The following TRHDE variants were observed in gnomAD, a reference collection of about 807,000 sequenced individuals.
The protein encoded by TRHDE is thyrotropin releasing hormone degrading enzyme.
A neutral mutation model predicts 125.7 loss-of-function variants in TRHDE; 72 were observed. That is an observed-to-expected ratio of 0.57 (90% CI 0.47 to 0.70). TRHDE has a LOEUF of 0.70. Ranked by LOEUF, TRHDE falls within the 30% of genes least tolerant of loss-of-function variation. The probability of loss-of-function intolerance (pLI) is 0.00; values close to 1 mark genes in which losing one functional copy is unlikely to be tolerated. For synonymous variants in TRHDE, 509 were observed against 509.1 expected, an observed-to-expected ratio of 1.00 and a Z score of 0.00; for missense variants, 1,110 against 1,327.1, an observed-to-expected ratio of 0.84 and a Z score of 2.54.
At chr12:72,355,369 T>C (rs1870768531) in intron 2 of TRHDE, among the ~76,000 whole-genome samples, 1 of 151,562 alleles carries the variant, frequency 6.6e-6, no homozygotes, top group Non-Finnish European at 1.5e-5. Context: ...GCATACCTTG[T>C]AGGCTCTTTT....
At position 72,238,444 on chromosome 12, in the gene TRHDE, C is replaced by A. The variant is rs1167715290; in HGVS notation, n.279+132692C>A. 2.1e-5 allele frequency among the ~76,000 whole-genome samples: 3 copies of A among 145,508 alleles called. No homozygotes were observed. In the Admixed American group the frequency reaches 2.1e-4, roughly 10 times the overall value. On this transcript the variant is annotated intron_variant and non_coding_transcript_variant, in intron 2 of 4. Coordinates refer to the TRHDE transcript ENST00000548156. ...TTCTGGGGTACATGTGCAGAATGTG[C>A]AGTTTTGTTACATAGGTATGCACGT... is the stretch of plus-strand genomic sequence containing the variant.
intron 2 of TRHDE, among the ~76,000 whole-genome samples, chr12:72,123,151 G>T (rs888372511): frequency 1.3e-5 from 2 of 152,108 alleles, no homozygotes; most frequent in African/African-American, 4.8e-5. Context: ...CTGGAAACAG[G>T]TTGTGGTAGT....
At chr12:72,350,254 A>T (rs1870521650) in intron 2 of TRHDE, among the ~76,000 whole-genome samples, 1 of 151,962 alleles carries the variant, frequency 6.6e-6, no homozygotes, top group South Asian at 2.1e-4. Context: ...GACGATTGGC[A>T]CAACCTTTCC....
chr12:72,553,849 C>CTT (rs56187409), intron 7 of TRHDE, among the ~76,000 whole-genome samples: 6 of 133,792 alleles, frequency 4.5e-5, no homozygotes, highest in South Asian at 2.4e-4. Context: ...TCTTTTCCTT[C>CTT]TTTTTTTTTT....
intron 3 of TRHDE, among the ~76,000 whole-genome samples, chr12:72,417,686 A>G (rs949810277): frequency 6.6e-6 from 1 of 152,042 alleles, no homozygotes; most frequent in African/African-American, 2.4e-5. Flanking sequence ...TATTTGGTGC[A>G]TATAATTCAT....
At chr12:72,276,118 C>G in intron 1 of TRHDE, among the ~76,000 whole-genome samples, 1 of 152,052 alleles carries the variant, frequency 6.6e-6, no homozygotes, top group East Asian at 1.9e-4. Context: ...GTTACTATAG[C>G]CACTTGGAGC....
intron 2 of TRHDE, among the ~76,000 whole-genome samples, chr12:72,167,981 G>A (rs1876789848): frequency 6.6e-6 from 1 of 152,082 alleles, no homozygotes; most frequent in Admixed American, 6.5e-5. Context: ...TATATTGGTG[G>A]GCATAATTGA....
At chr12:72,633,037 C>T (rs1277634053) in intron 15 of TRHDE, among the ~76,000 whole-genome samples, 1 of 151,972 alleles carries the variant, frequency 6.6e-6, no homozygotes, top group Non-Finnish European at 1.5e-5. Context: ...TCTGACTATC[C>T]AATTTTATTT....
chr12:72,610,451 G>C (rs948570467), intron 12 of TRHDE, among the ~76,000 whole-genome samples: 2 of 152,192 alleles, frequency 1.3e-5, no homozygotes, highest in Admixed American at 1.3e-4. Flanking sequence ...ATTTGAGTTT[G>C]CTCTCCGTAG....
At chr12:72,627,311 C>T (rs982470495) in intron 15 of TRHDE, among the ~76,000 whole-genome samples, 1 of 151,884 alleles carries the variant, frequency 6.6e-6, no homozygotes, top group African/African-American at 2.4e-5. Flanking sequence ...GCATCATATG[C>T]TTAGAAAAAT....
Position 72,499,496 on chromosome 12 carries a change from A to T in TRHDE, c.1585-2A>T. 1 of 1,613,442 alleles carries T rather than the reference A, an allele frequency of 6.2e-7. No individual in the cohort carries two copies. The highest frequency in any genetic ancestry group is 8.5e-7 in the Non-Finnish European group (1 of 1,179,672). On this transcript the variant is annotated splice_acceptor_variant, in intron 5 of 18. Coordinates refer to ENST00000261180, the MANE Select transcript of TRHDE (RefSeq NM_013381.3). LOFTEE classifies it high-confidence loss of function. ...GATATTGCCCCGTCTGCTGTATTGCAGGAAAAGCAGAGGTTTCTGACCGAT... is the reference window on the plus strand; with the variant it reads ...GATATTGCCCCGTCTGCTGTATTGCTGGAAAAGCAGAGGTTTCTGACCGAT...
intron 3 of TRHDE, among the ~76,000 whole-genome samples, chr12:72,380,988 A>G (rs760506024): frequency 9.9e-5 from 15 of 151,972 alleles, no homozygotes; most frequent in Non-Finnish European, 2.2e-4. Context: ...GTAAAGGGTC[A>G]TTCTGTGGCT....
intron 2 of TRHDE, among the ~76,000 whole-genome samples, chr12:72,154,312 C>T (rs1051247491): frequency 6.6e-6 from 1 of 152,130 alleles, no homozygotes; most frequent in African/African-American, 2.4e-5. Flanking sequence ...GATGGGTTTC[C>T]TGAATACAGC....
At chr12:72,125,194 A>G (rs552549591) in intron 2 of TRHDE, among the ~76,000 whole-genome samples, 1 of 152,250 alleles carries the variant, frequency 6.6e-6, no homozygotes, top group East Asian at 1.9e-4. Flanking sequence ...ATAAATGGGC[A>G]GCTTCTCCTC....
At chr12:72,211,982 C>T (rs1877792121) in intron 2 of TRHDE, among the ~76,000 whole-genome samples, 1 of 152,106 alleles carries the variant, frequency 6.6e-6, no homozygotes, top group African/African-American at 2.4e-5. Context: ...CAACTATGTG[C>T]ATTATGTAAT....
intron 2 of TRHDE, among the ~76,000 whole-genome samples, chr12:72,372,989 C>G (rs948727477): frequency 6.6e-6 from 1 of 152,170 alleles, no homozygotes; most frequent in Non-Finnish European, 1.5e-5. Flanking sequence ...GCAGTATGGC[C>G]ATTTTCACGA....
chr12:72,316,772 A>T (rs1419379228), intron 2 of TRHDE, among the ~76,000 whole-genome samples: 1 of 152,206 alleles, frequency 6.6e-6, no homozygotes, highest in Non-Finnish European at 1.5e-5. Flanking sequence ...ATAAGAGTGC[A>T]TTGGATTAAG....
chr12:72,093,648 C>T (rs1458507564), intron 1 of TRHDE, among the ~76,000 whole-genome samples: 1 of 152,086 alleles, frequency 6.6e-6, no homozygotes, highest in African/African-American at 2.4e-5. Context: ...TTGTGTTCTT[C>T]AGCTCTAGAA....
chr12:72,576,437 T>G (rs1221829341), intron 12 of TRHDE, among the ~76,000 whole-genome samples: 3 of 152,198 alleles, frequency 2.0e-5, no homozygotes, highest in Admixed American at 2.0e-4. Flanking sequence ...CAATCAAAAT[T>G]CAATTCTCTT....
Sources: gnomAD v4.1 joint callset for allele counts (sites outside exome capture counted in the v4.1 genomes callset) on GRCh38, gnomAD v4.1.1 for gene constraint, MANE v1.5 for transcripts, NCBI Gene and HGNC (gene_info 2026-07-23, HGNC 2026-07-21) for gene names.